The following PPP1R12B variants were observed in gnomAD, a reference collection of about 807,000 sequenced individuals.
PPP1R12B encodes myosin phosphatase target subunit 2.
PPP1R12B carries 76 observed loss-of-function variants against 126.1 expected under a neutral mutation model. The ratio of observed to expected loss-of-function variants is 0.60; its 90% CI spans 0.50 to 0.73. The LOEUF is 0.73. Among genes scored for constraint, PPP1R12B ranks in the 30% least tolerant of loss-of-function variants. PPP1R12B has a pLI of 0.00. For synonymous variants in PPP1R12B, 356 were observed against 434.7 expected (o/e 0.82, Z 2.25); for missense variants, 1,052 against 1,205.1 (o/e 0.87, Z 1.88).
intron 13 of PPP1R12B, among the ~76,000 whole-genome samples, chr1:202,470,514 C>T (rs758997959): frequency 3.2e-4 from 49 of 151,986 alleles, no homozygotes; most frequent in Non-Finnish European, 4.7e-4. Flanking sequence ...AAAAATTGCC[C>T]GTATTCTCAC....
chr1:202,412,818 AAAAT>A (rs1293324273), intron 1 of PPP1R12B, among the ~76,000 whole-genome samples: 9 of 152,250 alleles, frequency 5.9e-5, no homozygotes, highest in Admixed American at 5.2e-4. Flanking sequence ...ACAAAAAAGA[AAAAT>A]AAATAAAATA....
chr1:202,509,441 C>G (rs183478375), intron 18 of PPP1R12B, among the ~76,000 whole-genome samples: 1 of 152,228 alleles, frequency 6.6e-6, no homozygotes, highest in Non-Finnish European at 1.5e-5. Flanking sequence ...AATGGTTCTC[C>G]TAGCGTGTCC....
At chr1:202,399,907 C>G (rs1030922298) in intron 1 of PPP1R12B, among the ~76,000 whole-genome samples, 2 of 151,870 alleles carry the variant, frequency 1.3e-5, no homozygotes, top group Non-Finnish European at 2.9e-5. Flanking sequence ...ATGGGTATAT[C>G]GTGTGATGCT....
chr1:202,591,217 G>A lies in PPP1R12B; in HGVS notation c.*10657G>A, dbSNP rs1254789087. 1 of 152,418 alleles carries A rather than the reference G, an allele frequency of 6.6e-6. No homozygotes were observed. The highest frequency in any genetic ancestry group is 2.4e-5 in the African/African-American group (1 of 41,470). The allele number at this position is 152,418 out of a possible 1,614,324, so 9.4% of individuals were successfully genotyped here. On this transcript the variant is annotated 3_prime_UTR_variant, in exon 24 of 24. Transcript: ENST00000608999. ...GGGACTTCTGTGTGCAACTTCTGTT[G>A]TGGTTTGTGCAGGGCAAGCCTGCCT...
At chr1:202,425,780 T>G in intron 4 of PPP1R12B, 55 bp downstream of exon 4, 1 of 1,515,502 alleles carries the variant, frequency 6.6e-7, no homozygotes, top group Non-Finnish European at 9.0e-7. Context: ...ATGGAATAGG[T>G]TTTGGAAGCA....
intron 23 of PPP1R12B, among the ~76,000 whole-genome samples, 188 bp from the exon 24 acceptor site, chr1:202,580,286 A>G (rs771907072): frequency 1.3e-5 from 2 of 152,236 alleles, no homozygotes; most frequent in African/African-American, 2.4e-5. Context: ...CTCCCTAAAG[A>G]TTAACATTAC....
intron 18 of PPP1R12B, among the ~76,000 whole-genome samples, chr1:202,556,557 T>C (rs1353674815): frequency 3.3e-5 from 5 of 152,126 alleles, no homozygotes; most frequent in Non-Finnish European, 2.9e-5. Flanking sequence ...AAAAAAAATG[T>C]GTGTTTGTGT....
intron 10 of PPP1R12B, chr1:202,439,561 G>A: frequency 6.8e-7 from 1 of 1,475,614 alleles, no homozygotes; most frequent in Non-Finnish European, 9.3e-7. Context: ...ACTCCTGCCA[G>A]GAACTGACCA....
At chr1:202,556,279 T>C (rs1297766802) in intron 18 of PPP1R12B, among the ~76,000 whole-genome samples, 3 of 152,190 alleles carry the variant, frequency 2.0e-5, no homozygotes, top group Admixed American at 2.0e-4. Flanking sequence ...AGTTAATTCT[T>C]ACTGTTAGAA....
chr1:202,355,689 C>G (rs1454361706), intron 1 of PPP1R12B, among the ~76,000 whole-genome samples: 1 of 152,106 alleles, frequency 6.6e-6, no homozygotes, highest in Non-Finnish European at 1.5e-5. Flanking sequence ...TTTTAGGATT[C>G]TGAAGCAGCA....
At chr1:202,577,438 A>G (rs748888582) in intron 23 of PPP1R12B, among the ~76,000 whole-genome samples, 3 of 152,196 alleles carry the variant, frequency 2.0e-5, no homozygotes, top group Non-Finnish European at 4.4e-5. Context: ...AGCAACAGAG[A>G]CTGTTTGACC....
chr1:202,558,651 CT>C lies in PPP1R12B; in HGVS notation c.2491-225del, dbSNP rs112552408. 7.4e-4 allele frequency: 353 copies of C among 477,086 alleles called. 2 individuals are homozygous for C. Among genetic ancestry groups the C allele is most frequent in the African/African-American group, 6.7e-3 (329 of 49,370 alleles). The allele number at this position is 477,086 out of a possible 1,614,324, so 29.6% of individuals were successfully genotyped here. On this transcript the variant is annotated intron_variant, in intron 18 of 23. Transcript: ENST00000608999. ...AGGTGCTATCCCTAATGCCTCAAAT[CT>C]AGTGAATCATGGCATGCAAAGAAGT...
At chr1:202,394,702 C>T (rs950314711) in intron 1 of PPP1R12B, among the ~76,000 whole-genome samples, 1 of 150,734 alleles carries the variant, frequency 6.6e-6, no homozygotes, top group Non-Finnish European at 1.5e-5. Context: ...TGCGGTGAGC[C>T]GAAATTGCAC....
intron 18 of PPP1R12B, among the ~76,000 whole-genome samples, chr1:202,510,398 A>G (rs1193199998): frequency 1.3e-5 from 2 of 152,198 alleles, no homozygotes; most frequent in Non-Finnish European, 2.9e-5. Flanking sequence ...TAGCGGGTGG[A>G]AGTCCTGGAA....
intron 9 of PPP1R12B, among the ~76,000 whole-genome samples, chr1:202,437,611 T>TTTTTGGCTTACTTC (rs1394786358): frequency 6.6e-6 from 1 of 152,182 alleles, no homozygotes; most frequent in African/African-American, 2.4e-5. Flanking sequence ...TCCGAGGCTA[T>TTTTTGGCTTACTTC]TTTTGGCTTA....
intron 1 of PPP1R12B, among the ~76,000 whole-genome samples, chr1:202,372,126 C>T (rs925101722): frequency 1.2e-3 from 176 of 152,222 alleles, no homozygotes; most frequent in Non-Finnish European, 1.3e-3. Flanking sequence ...CCACCTCGGC[C>T]TCCCAAAGTG....
At chr1:202,451,708 G>A (rs1672954374) in intron 13 of PPP1R12B, among the ~76,000 whole-genome samples, 1 of 151,852 alleles carries the variant, frequency 6.6e-6, no homozygotes, top group African/African-American at 2.4e-5. Flanking sequence ...ACGGGGTGGT[G>A]GCCGGGCAGA....
intron 18 of PPP1R12B, among the ~76,000 whole-genome samples, chr1:202,551,092 A>G (rs1686267665): frequency 6.6e-6 from 1 of 152,228 alleles, no homozygotes; most frequent in South Asian, 2.1e-4. Flanking sequence ...TTTAAAATAT[A>G]GTGATATGTG....
At position 202,442,695 on chromosome 1, in the gene PPP1R12B, A is replaced by G. The variant is rs750760564; in HGVS notation, c.1667+123A>G. On this transcript the variant is annotated intron_variant, in intron 12 of 23. Coordinates refer to ENST00000608999, the MANE Select transcript of PPP1R12B (RefSeq NM_002481.4). ...AAATGAATCAAAATGAATTACTTTC[A>G]GGTTTCTTAGAATTAACATCTTGAA... 6.4e-6 allele frequency: 7 copies of G among 1,090,676 alleles called. No individual in the cohort carries two copies. In the Admixed American group the frequency reaches 1.0e-4, roughly 16 times the overall value. 67.6% of individuals were successfully genotyped at this position (1,090,676 alleles called of 1,614,324 possible).
Sources: allele counts gnomAD v4.1 joint callset (sites outside exome capture counted in the v4.1 genomes callset), GRCh38; gene constraint gnomAD v4.1.1; transcripts MANE v1.5; gene names NCBI Gene and HGNC (gene_info 2026-07-23, HGNC 2026-07-21).